CYP2C19: variants seen among roughly 807,000 people sequenced by gnomAD.
The protein encoded by CYP2C19 is cytochrome P450 2C19.
A neutral mutation model predicts 40.9 loss-of-function variants in CYP2C19; 59 were observed. The observed-to-expected ratio is 1.44, with a 90% CI of 1.17 to 1.79. CYP2C19 has a LOEUF of 1.79. Among genes scored for constraint, CYP2C19 ranks in the 40% most tolerant of loss-of-function variants. The pLI, the probability that CYP2C19 is intolerant of heterozygous loss-of-function variation, is 0.00. For synonymous variants in CYP2C19, 253 were observed against 208.7 expected (o/e 1.21, Z -1.83); for missense variants, 754 against 596.9 (o/e 1.26, Z -2.74).
chr10:94,796,726 G>T (rs1488517813), intron 5 of CYP2C19, among the ~76,000 whole-genome samples: 2 of 152,120 alleles, frequency 1.3e-5, no homozygotes, highest in Non-Finnish European at 2.9e-5. Context: ...TCCTAAGTTG[G>T]ATTCTTAGGT....
At chr10:94,769,773 T>G (rs1269572949) in intron 1 of CYP2C19, among the ~76,000 whole-genome samples, 2 of 152,048 alleles carry the variant, frequency 1.3e-5, no homozygotes, top group Non-Finnish European at 2.9e-5. Context: ...TTGGACTGGG[T>G]GGGCATTTTT....
intron 7 of CYP2C19, among the ~76,000 whole-genome samples, chr10:94,844,165 G>A (rs573813794): frequency 2.0e-5 from 3 of 152,140 alleles, no homozygotes; most frequent in African/African-American, 2.4e-5. Flanking sequence ...CTGCCTCCCC[G>A]TCTCCACTTT....
intron 1 of CYP2C19, among the ~76,000 whole-genome samples, chr10:94,763,262 C>G (rs1298183615): frequency 1.3e-5 from 2 of 151,990 alleles, no homozygotes; most frequent in Non-Finnish European, 2.9e-5. Context: ...TCAGAATAGC[C>G]GTGAAAATTG....
At chr10:94,790,528 C>G (rs1474234991) in intron 5 of CYP2C19, among the ~76,000 whole-genome samples, 1 of 151,986 alleles carries the variant, frequency 6.6e-6, no homozygotes, top group Admixed American at 6.6e-5. Flanking sequence ...CTATCAATAC[C>G]TAATTTATTG....
chr10:94,842,211 T>G (rs1020318386), intron 6 of CYP2C19, among the ~76,000 whole-genome samples: 2 of 152,128 alleles, frequency 1.3e-5, no homozygotes, highest in African/African-American at 4.8e-5. Flanking sequence ...TCCATCCTCT[T>G]GCCAAGCTGA....
intron 5 of CYP2C19, among the ~76,000 whole-genome samples, chr10:94,810,122 C>T (rs1848891439): frequency 6.6e-6 from 1 of 152,098 alleles, no homozygotes; most frequent in African/African-American, 2.4e-5. Context: ...CCCTGTGATC[C>T]ACCCACCTCA....
intron 5 of CYP2C19, among the ~76,000 whole-genome samples, chr10:94,795,200 G>C (rs1360538461): frequency 1.6e-5 from 2 of 126,068 alleles, no homozygotes; most frequent in African/African-American, 3.1e-5. Context: ...TCTCCTTCCT[G>C]TGTCCAAGTG....
chr10:94,849,868 C>A (rs1020936007), intron 7 of CYP2C19, 49 bp from the exon 8 acceptor site: 5 of 1,608,810 alleles, frequency 3.1e-6, no homozygotes, highest in Non-Finnish European at 4.3e-6. Flanking sequence ...GTTTCTTAAA[C>A]CTTCGTGACT....
intron 7 of CYP2C19, among the ~76,000 whole-genome samples, chr10:94,849,715 G>C (rs1849623821): frequency 6.9e-6 from 1 of 145,368 alleles, no homozygotes; most frequent in Admixed American, 7.2e-5. Context: ...CCTGATTGTG[G>C]GCATTTTAGC....
rs1026712887 is a variant in CYP2C19 at position 94,844,022 on chromosome 10, G to T, written c.1149+998G>T. Among the ~76,000 whole-genome samples, 8 of 152,212 alleles carry T rather than the reference G, an allele frequency of 5.3e-5. No homozygotes were observed. The East Asian group carries it at 1.5e-3, about 29-fold the overall frequency. ...ATTTATATTCTTCATATTGTTTAGGGCTTCTGTGTTTACATTCACAAGGAT... is the reference window on the plus strand; with the variant it reads ...ATTTATATTCTTCATATTGTTTAGGTCTTCTGTGTTTACATTCACAAGGAT... On this transcript the variant is annotated intron_variant, in intron 7 of 8. Coordinates refer to ENST00000371321, the MANE Select transcript of CYP2C19 (RefSeq NM_000769.4).
At chr10:94,834,941 G>A (rs549471905) in intron 6 of CYP2C19, among the ~76,000 whole-genome samples, 46 of 152,280 alleles carry the variant, frequency 3.0e-4, no homozygotes, top group Admixed American at 5.9e-4. Flanking sequence ...GAGGTTGGCC[G>A]ACGACTGCTC....
intron 5 of CYP2C19, among the ~76,000 whole-genome samples, chr10:94,795,823 T>C (rs1403780492): frequency 6.6e-6 from 1 of 152,058 alleles, no homozygotes; most frequent in Non-Finnish European, 1.5e-5. Context: ...TGTCTGTTCA[T>C]ATCCTTCACC....
chr10:94,794,009 C>G (rs944568175), intron 5 of CYP2C19, among the ~76,000 whole-genome samples: 1 of 152,054 alleles, frequency 6.6e-6, no homozygotes, highest in Non-Finnish European at 1.5e-5. Context: ...GGTCTCCACC[C>G]AGTTCGAGCT....
At chr10:94,768,898 C>G (rs1564658957) in intron 1 of CYP2C19, among the ~76,000 whole-genome samples, 1 of 152,118 alleles carries the variant, frequency 6.6e-6, no homozygotes, top group Non-Finnish European at 1.5e-5. Flanking sequence ...GTTTCTGCCC[C>G]TGGTTCCCAT....
In CYP2C19 at chr10:94,781,819, A is replaced by T; in HGVS notation, c.643-2A>T. 7.1e-7 allele frequency: 1 copy of T among 1,400,564 alleles called. No individual in the cohort carries two copies. Among genetic ancestry groups the T allele is most frequent in the Non-Finnish European group, 9.4e-7 (1 of 1,060,298 alleles). The allele number at this position is 1,400,564 out of a possible 1,614,324, so 86.8% of individuals were successfully genotyped here. A position where few individuals can be genotyped will look rare whatever the true frequency, so the allele number is the denominator to read the frequency against. The stretch of plus-strand genomic sequence containing the variant: ...ATTTAATAAATTATTGTTTTCTCTT[A>T]GATATGCAATAATTTTCCCACTATC... On this transcript the variant is annotated splice_acceptor_variant, in intron 4 of 8. Transcript: ENST00000371321. LOFTEE classifies it high-confidence loss of function.
At chr10:94,801,270 C>T (rs1848761662) in intron 5 of CYP2C19, among the ~76,000 whole-genome samples, 3 of 152,196 alleles carry the variant, frequency 2.0e-5, no homozygotes, top group Admixed American at 2.0e-4. Flanking sequence ...TTAAATGTGT[C>T]TCAGAGATTC....
chr10:94,850,448 C>G (rs915974267), intron 8 of CYP2C19, among the ~76,000 whole-genome samples: 1 of 152,146 alleles, frequency 6.6e-6, no homozygotes, highest in African/African-American at 2.4e-5. Flanking sequence ...ACCCCCTAGG[C>G]TGGGCTTGTA....
chr10:94,835,745 G>C (rs1294423329), intron 6 of CYP2C19, among the ~76,000 whole-genome samples: 1 of 152,116 alleles, frequency 6.6e-6, no homozygotes, highest in Non-Finnish European at 1.5e-5. Flanking sequence ...GGACATGGAA[G>C]ACTAGGTAAG....
chr10:94,797,116 T>C (rs925106813), intron 5 of CYP2C19, among the ~76,000 whole-genome samples: 1 of 152,152 alleles, frequency 6.6e-6, no homozygotes, highest in African/African-American at 2.4e-5. Flanking sequence ...CAGTATGATA[T>C]TGGCTGTGCA....
Sources: gnomAD v4.1 joint callset for allele counts (sites outside exome capture counted in the v4.1 genomes callset) on GRCh38, gnomAD v4.1.1 for gene constraint, MANE v1.5 for transcripts, NCBI Gene and HGNC (gene_info 2026-07-23, HGNC 2026-07-21) for gene names.